MAP2K1: variants seen among roughly 807,000 people sequenced by gnomAD.
The protein encoded by MAP2K1 is dual specificity mitogen-activated protein kinase kinase 1.
MAP2K1 carries 16 observed loss-of-function variants against 46.3 expected under a neutral mutation model. The ratio of observed to expected loss-of-function variants is 0.35; its 90% CI spans 0.23 to 0.52. MAP2K1 has a LOEUF of 0.52. MAP2K1 is among the 20% of genes least tolerant of loss of function. MAP2K1 has a pLI of 0.94. For synonymous variants in MAP2K1, 183 were observed against 185.6 expected (o/e 0.99, Z 0.11); for missense variants, 263 against 497.1 (o/e 0.53, Z 4.48).
chr15:66,406,295 A>G (rs1047383814), intron 1 of MAP2K1, among the ~76,000 whole-genome samples: 61 of 152,210 alleles, frequency 4.0e-4, no homozygotes, highest in Non-Finnish European at 1.2e-4. Context: ...GAAATTCAGT[A>G]AAAGCCTCAG....
chr15:66,405,374 C>T (rs891551727), intron 1 of MAP2K1, among the ~76,000 whole-genome samples: 2 of 152,200 alleles, frequency 1.3e-5, no homozygotes, highest in African/African-American at 2.4e-5. Context: ...ATTTCAAGGG[C>T]TCAGTGTCCA....
chr15:66,471,893 A>G (rs1229147581), intron 5 of MAP2K1, among the ~76,000 whole-genome samples: 4 of 152,106 alleles, frequency 2.6e-5, no homozygotes, highest in Non-Finnish European at 4.4e-5. Context: ...CCTGGCCAAC[A>G]TGGTGAAACC....
intron 5 of MAP2K1, among the ~76,000 whole-genome samples, chr15:66,478,217 CTCTG>C (rs373542808): frequency 6.7e-6 from 1 of 150,148 alleles, no homozygotes; most frequent in African/African-American, 2.4e-5. Flanking sequence ...CCCTTACTCT[CTCTG>C]TCCTCACAGG....
intron 1 of MAP2K1, among the ~76,000 whole-genome samples, chr15:66,429,451 C>T (rs1349573228): frequency 2.6e-5 from 4 of 152,166 alleles, no homozygotes; most frequent in African/African-American, 4.8e-5. Flanking sequence ...TGGGTGGGAA[C>T]GCAGAGCCAA....
chr15:66,476,823 G>A (rs1346234594), intron 5 of MAP2K1, among the ~76,000 whole-genome samples: 1 of 152,206 alleles, frequency 6.6e-6, no homozygotes, highest in African/African-American at 2.4e-5. Flanking sequence ...GCTATTGTGG[G>A]AAGCAAGTGT....
rs960644409 is a variant in MAP2K1 at position 66,455,156 on chromosome 15, C to A, written c.568+10449C>A. Among the ~76,000 whole-genome samples, 3 of 152,176 alleles carry A rather than the reference C, an allele frequency of 2.0e-5. No individual in the cohort carries two copies. The East Asian group carries it at 5.8e-4, about 29-fold the overall frequency. On this transcript the variant is annotated intron_variant, in intron 5 of 10. Coordinates refer to ENST00000307102, the MANE Select transcript of MAP2K1 (RefSeq NM_002755.4). ...AGTGCCTCTGAAGAATCCACTCTCA[C>A]CACAGTCATGCAGATATCAAGGGGA...
chr15:66,432,031 C>T (rs944965265), intron 1 of MAP2K1, among the ~76,000 whole-genome samples: 2 of 152,156 alleles, frequency 1.3e-5, no homozygotes, highest in African/African-American at 4.8e-5. Context: ...GATCTCGTTC[C>T]TTTTTATGTC....
rs2093483565 is a variant in MAP2K1, at chr15:66,434,897, TC to T, written c.81-128del. On this transcript the variant is annotated intron_variant, in intron 1 of 10. Transcript: ENST00000307102. ...GGCAGAGCCACAGTGGGAGGGGGCC[TC>T]CTCTCTAGCCTCCCACTTTGATTAT... The T allele has an allele frequency of 4.0e-6, 3 of 753,428 alleles. No individual in the cohort carries two copies. In the South Asian group the frequency reaches 4.2e-5, roughly 11 times the overall value. 46.7% of individuals were successfully genotyped at this position (753,428 alleles called of 1,614,324 possible). A position where few individuals can be genotyped will look rare whatever the true frequency, so the allele number is the denominator to read the frequency against.
At chr15:66,395,797 C>T (rs1014371237) in intron 1 of MAP2K1, among the ~76,000 whole-genome samples, 49 of 151,808 alleles carry the variant, frequency 3.2e-4, no homozygotes, top group African/African-American at 1.0e-3. Context: ...AGCCTGGTCT[C>T]GAACCCCTGA....
chr15:66,489,761 A>G lies in MAP2K1; in HGVS notation c.1066A>G (p.Met356Val), dbSNP rs1009731985. Residue 356 changes from methionine (M) to valine (V), a missense_variant and splice_region_variant, in exon 10 of 11, where the codon ATG (methionine) becomes GTG (valine). Transcript: ENST00000307102. ...PAERADLKQL[M>V]VHAFIKRSDA... ...AGAGAGAGCAGATTTGAAGCAACTCATGGTGAGTCTATTTATTCCGGATTC... is the reference window on the plus strand; with the variant it reads ...AGAGAGAGCAGATTTGAAGCAACTCGTGGTGAGTCTATTTATTCCGGATTC... 2.5e-6 allele frequency: 4 copies of G among 1,612,958 alleles called. No homozygotes were observed. Among genetic ancestry groups the G allele is most frequent in the African/African-American group, 2.7e-5 (2 of 74,918 alleles).
intron 1 of MAP2K1, among the ~76,000 whole-genome samples, chr15:66,388,019 G>C (rs1180553713): frequency 6.6e-6 from 1 of 152,144 alleles, no homozygotes; most frequent in Non-Finnish European, 1.5e-5. Context: ...CTGGGAAATT[G>C]CTCAAGAAAG....
intron 1 of MAP2K1, among the ~76,000 whole-genome samples, chr15:66,417,835 A>G (rs2093428136): frequency 6.6e-6 from 1 of 152,160 alleles, no homozygotes; most frequent in East Asian, 1.9e-4. Flanking sequence ...CCTGTGGACT[A>G]GAATTGGAGA....
chr15:66,421,985 G>T (rs2093444884), intron 1 of MAP2K1, among the ~76,000 whole-genome samples: 1 of 150,928 alleles, frequency 6.6e-6, no homozygotes, highest in Non-Finnish European at 1.5e-5. Flanking sequence ...CTACACAGCT[G>T]CCTGTGTTCT....
At chr15:66,443,080 GTA>G (rs1483248714) in intron 3 of MAP2K1, among the ~76,000 whole-genome samples, 198 bp from the exon 4 acceptor site, 1 of 72,900 alleles carries the variant, frequency 1.4e-5, no homozygotes, top group African/African-American at 4.2e-5. Context: ...TTTTGTGTGT[GTA>G]TTTTTTTTTT....
intron 1 of MAP2K1, among the ~76,000 whole-genome samples, chr15:66,427,873 G>A (rs532792368): frequency 5.9e-5 from 9 of 152,172 alleles, no homozygotes; most frequent in African/African-American, 1.9e-4. Context: ...AATTAGCCGG[G>A]CGTGGTGGCA....
chr15:66,389,497 C>T (rs1486273718), intron 1 of MAP2K1, among the ~76,000 whole-genome samples: 1 of 150,730 alleles, frequency 6.6e-6, no homozygotes, highest in African/African-American at 2.4e-5. Flanking sequence ...TTGGATGGTA[C>T]TGGGAGAGTC....
chr15:66,489,788 T>C, intron 10 of MAP2K1, 25 bp downstream of exon 10: 1 of 1,590,078 alleles, frequency 6.3e-7, no homozygotes, highest in Non-Finnish European at 8.6e-7. Context: ...TCCGGATTCT[T>C]ACAGTACCTG....
chr15:66,459,853 C>T (rs956229812), intron 5 of MAP2K1, among the ~76,000 whole-genome samples: 2 of 152,164 alleles, frequency 1.3e-5, no homozygotes, highest in Non-Finnish European at 2.9e-5. Flanking sequence ...CAGACTCACA[C>T]GTAATGATTT....
intron 1 of MAP2K1, among the ~76,000 whole-genome samples, chr15:66,393,788 AT>A (rs2093361900): frequency 6.6e-6 from 1 of 152,152 alleles, no homozygotes; most frequent in Admixed American, 6.6e-5. Context: ...TGCATTTGCC[AT>A]TCCTGCTGCC....
Sources: gnomAD v4.1 joint callset for allele counts (sites outside exome capture counted in the v4.1 genomes callset) on GRCh38, gnomAD v4.1.1 for gene constraint, MANE v1.5 for transcripts, NCBI Gene and HGNC (gene_info 2026-07-23, HGNC 2026-07-21) for gene names.